Variants in SCML4 observed in about 807,000 individuals in gnomAD.
SCML4 encodes sex comb on midleg-like protein 4.
In SCML4, 34 loss-of-function variants were observed where a neutral mutation model predicts 41.1. The observed-to-expected ratio is 0.83, with a 90% CI of 0.63 to 1.10. SCML4 has a LOEUF of 1.10. SCML4 is among the 50% of genes least tolerant of loss of function. SCML4 has a pLI of 0.00. For synonymous variants in SCML4, 214 were observed against 220.9 expected (o/e 0.97, Z 0.28); for missense variants, 522 against 534.1 (o/e 0.98, Z 0.22).
At chr6:107,820,428 T>C (rs1388512391) in intron 1 of SCML4, among the ~76,000 whole-genome samples, 3 of 152,222 alleles carry the variant, frequency 2.0e-5, no homozygotes. Context: ...GAAGGGCTGT[T>C]GTGGGGCAGG....
intron 1 of SCML4, among the ~76,000 whole-genome samples, chr6:107,811,275 C>T (rs1464944006): frequency 2.6e-5 from 4 of 152,212 alleles, no homozygotes; most frequent in African/African-American, 7.2e-5. Flanking sequence ...ACATTTTCTT[C>T]TCTTACACAG....
intron 1 of SCML4, among the ~76,000 whole-genome samples, chr6:107,802,227 C>T (rs1783195789): frequency 6.6e-6 from 1 of 152,036 alleles, no homozygotes; most frequent in Non-Finnish European, 1.5e-5. Flanking sequence ...TGATATGCAG[C>T]AAGTCAGGTG....
intron 2 of SCML4, among the ~76,000 whole-genome samples, chr6:107,763,198 T>A (rs1475500361): frequency 1.3e-5 from 2 of 152,046 alleles, no homozygotes; most frequent in African/African-American, 4.8e-5. Flanking sequence ...TTTGTTTTTT[T>A]AATTATGTTC....
chr6:107,708,364 G>A (rs1773886515), intron 6 of SCML4, among the ~76,000 whole-genome samples: 1 of 152,028 alleles, frequency 6.6e-6, no homozygotes, highest in Admixed American at 6.5e-5. Flanking sequence ...GCAGGCCCAG[G>A]GCCTCCTGAG....
At chr6:107,811,081 A>C (rs1784127275) in intron 1 of SCML4, among the ~76,000 whole-genome samples, 1 of 152,204 alleles carries the variant, frequency 6.6e-6, no homozygotes, top group African/African-American at 2.4e-5. Flanking sequence ...CCACATAAGG[A>C]CAGTGAGAAG....
upstream of SCML4, among the ~76,000 whole-genome samples, chr6:107,828,275 A>G (rs1230423329): frequency 6.6e-6 from 1 of 152,158 alleles, no homozygotes; most frequent in Admixed American, 6.5e-5. Flanking sequence ...CACTAACCCA[A>G]TGACATGGGT....
At chr6:107,800,566 C>T (rs1783041755) in intron 1 of SCML4, among the ~76,000 whole-genome samples, 1 of 152,132 alleles carries the variant, frequency 6.6e-6, no homozygotes, top group South Asian at 2.1e-4. Context: ...CCTTTCTCAG[C>T]AAAATTCAGA....
intron 1 of SCML4, among the ~76,000 whole-genome samples, chr6:107,796,366 A>G (rs556216744): frequency 1.3e-5 from 2 of 152,284 alleles, no homozygotes; most frequent in East Asian, 3.9e-4. Context: ...TAGTGGGTGG[A>G]ATTTAATTTG....
At chr6:107,831,654 C>T in the SCML4 span, among the ~76,000 whole-genome samples, 1 of 152,224 alleles carries the variant, frequency 6.6e-6, no homozygotes, top group Non-Finnish European at 1.5e-5. Flanking sequence ...GTGAGTGGCT[C>T]ATGCCTGTGG....
At chr6:107,754,179 C>G (rs1778920364) in intron 2 of SCML4, among the ~76,000 whole-genome samples, 1 of 152,204 alleles carries the variant, frequency 6.6e-6, no homozygotes, top group Non-Finnish European at 1.5e-5. Context: ...TTGAGGCTCT[C>G]AAGGGAACCT....
intron 1 of SCML4, among the ~76,000 whole-genome samples, chr6:107,801,559 T>C (rs1335796089): frequency 6.6e-6 from 1 of 152,154 alleles, no homozygotes; most frequent in Non-Finnish European, 1.5e-5. Context: ...CATAGAAAAG[T>C]ATGGTTTTAA....
intron 2 of SCML4, among the ~76,000 whole-genome samples, chr6:107,762,872 C>T (rs1283598483): frequency 1.6e-5 from 2 of 124,048 alleles, no homozygotes; most frequent in African/African-American, 5.9e-5. Flanking sequence ...AAAATAAATG[C>T]ACTCTTTTTT....
chr6:107,759,217 C>A (rs1191538774), intron 2 of SCML4, among the ~76,000 whole-genome samples: 1 of 150,924 alleles, frequency 6.6e-6, no homozygotes, highest in Non-Finnish European at 1.5e-5. Flanking sequence ...TTAGTCCCAG[C>A]TACTTAGGAG....
chr6:107,749,075 A>T (rs557057202), intron 3 of SCML4, among the ~76,000 whole-genome samples: 1 of 152,032 alleles, frequency 6.6e-6, no homozygotes, highest in Admixed American at 6.5e-5. Context: ...TTTAAATGGG[A>T]TGGGAGAGGG....
At chr6:107,840,877 A>C in the SCML4 span, among the ~76,000 whole-genome samples, 1 of 152,122 alleles carries the variant, frequency 6.6e-6, no homozygotes, top group African/African-American at 2.4e-5. Flanking sequence ...CCCCTCATCT[A>C]CCATGCATAG....
chr6:107,802,580 GAGGAAGGAAGGA>G (rs1163058698), intron 1 of SCML4, among the ~76,000 whole-genome samples: 8 of 36,462 alleles, frequency 2.2e-4, no homozygotes, highest in East Asian at 2.0e-3. Flanking sequence ...GGGAGGGAGG[GAGGAAGGAAGGA>G]AGGAAGGAAG....
At chr6:107,706,647 C>A (rs879538559) in intron 7 of SCML4, among the ~76,000 whole-genome samples, 4 of 152,158 alleles carry the variant, frequency 2.6e-5, no homozygotes, top group Non-Finnish European at 5.9e-5. Context: ...GCTTGCTAAT[C>A]AGCTGACTTT....
chr6:107,755,478 G>T, intron 2 of SCML4: 1 of 361,994 alleles, frequency 2.8e-6, no homozygotes, highest in Non-Finnish European at 4.6e-6. Flanking sequence ...CCATGATTTT[G>T]GAAAAGTCCT....
At chr6:107,839,356 AGAAAGAAAGAAG>A in the SCML4 span, among the ~76,000 whole-genome samples, 21,725 of 87,546 alleles carry the variant, frequency 0.25, 2,301 homozygotes, top group East Asian at 0.28. Flanking sequence ...AAAGAAAGAA[AGAAAGAAAGAAG>A]GAAAGAAAGA....
Sources: allele counts gnomAD v4.1 joint callset (sites outside exome capture counted in the v4.1 genomes callset), GRCh38; gene constraint gnomAD v4.1.1; transcripts MANE v1.5; gene names NCBI Gene and HGNC (gene_info 2026-07-23, HGNC 2026-07-21).